DNAI2: variants seen among roughly 807,000 people sequenced by gnomAD.
The protein encoded by DNAI2 is dynein axonemal intermediate chain 2.
In DNAI2, 63 loss-of-function variants were observed where a neutral mutation model predicts 74.7. That is an observed-to-expected ratio of 0.84 (90% CI 0.69 to 1.04). DNAI2 has a LOEUF of 1.04. Ranked by LOEUF, DNAI2 falls within the 50% of genes least tolerant of loss-of-function variation. The pLI is 0.00. For synonymous variants in DNAI2, 289 were observed against 314.9 expected, an observed-to-expected ratio of 0.92 and a Z score of 0.87; for missense variants, 688 against 803.2, an observed-to-expected ratio of 0.86 and a Z score of 1.73.
At chr17:74,290,984 C>G in intron 5 of DNAI2, 36 bp from the exon 6 acceptor site, 1 of 1,581,726 alleles carries the variant, frequency 6.3e-7, no homozygotes, top group Non-Finnish European at 8.7e-7. Flanking sequence ...CTTTTCTTTC[C>G]GGGCCTGGTG....
rs746568626 is a variant in DNAI2, at chr17:74,281,874, T to C, written c.57T>C (p.Asn19=). The part of the protein sequence containing the change: ...KKRSEFGKQC[N]FSDRQAELNI... ...GCAGCGAGTTCGGGAAGCAGTGCAATTTCTCGGACCGCCAGGCCGAGCTGA... is the reference window on the plus strand; with the variant it reads ...GCAGCGAGTTCGGGAAGCAGTGCAACTTCTCGGACCGCCAGGCCGAGCTGA... The change falls in exon 2 of 14, where the codon AAT becomes AAC. Residue 19 remains asparagine, a synonymous_variant. Transcript: ENST00000311014. The C allele has an allele frequency of 1.2e-6, 2 of 1,614,016 alleles. No homozygotes were observed. Among genetic ancestry groups the C allele is most frequent in the Non-Finnish European group, 1.7e-6 (2 of 1,180,052 alleles).
chr17:74,305,959 A>G (rs2053169258), intron 9 of DNAI2, among the ~76,000 whole-genome samples: 1 of 152,158 alleles, frequency 6.6e-6, no homozygotes, highest in Admixed American at 6.5e-5. Flanking sequence ...GGTGTGAGCC[A>G]CCGCGTCTGG....
intron 3 of DNAI2, 27 bp downstream of exon 3, chr17:74,285,228 A>T: frequency 6.2e-7 from 1 of 1,611,754 alleles, no homozygotes; most frequent in South Asian, 1.1e-5. Flanking sequence ...CCCCAGCTGC[A>T]AGAGCCCCAT....
chr17:74,310,793 G>T (rs1260220164), intron 11 of DNAI2, among the ~76,000 whole-genome samples: 1 of 152,098 alleles, frequency 6.6e-6, no homozygotes, highest in East Asian at 1.9e-4. Flanking sequence ...GCCCACCCTG[G>T]CCTCCGAAAG....
intron 6 of DNAI2, among the ~76,000 whole-genome samples, chr17:74,297,391 CT>C (rs61180859): frequency 0.12 from 15,779 of 126,982 alleles, 800 homozygotes; most frequent in Non-Finnish European, 0.16. Context: ...CGTGCCCAGA[CT>C]TTTTTTTTTT....
In DNAI2 at chr17:74,301,196, G is replaced by T; in HGVS notation, c.987+28G>T. 1.9e-6 allele frequency: 3 copies of T among 1,612,172 alleles called. No homozygotes were observed. The South Asian group carries it at 3.3e-5, about 18-fold the overall frequency. On this transcript the variant is annotated intron_variant, in intron 8 of 13. Transcript: ENST00000311014. The stretch of plus-strand genomic sequence containing the variant: ...GAGTGTCCCTTGCTGTCCCTTCCCC[G>T]ACTTGCATTGACAGGGCAGCCAGGG...
intron 1 of DNAI2, among the ~76,000 whole-genome samples, chr17:74,277,006 C>CGCTACA (rs1272474449): frequency 6.6e-6 from 1 of 152,164 alleles, no homozygotes; most frequent in African/African-American, 2.4e-5. Context: ...TGGGGCACCC[C>CGCTACA]GCTACAATCT....
rs2053140337 is a variant in DNAI2, at chr17:74,305,554, C to T, written c.1211+112C>T. ...CTCCATATGTAAAATGGAGAAAAAC[C>T]TTTCCACAAACACCCGAGCTCGTGT... On this transcript the variant is annotated intron_variant, in intron 9 of 13. Coordinates refer to ENST00000311014, the MANE Select transcript of DNAI2 (RefSeq NM_023036.6). 5 of 966,634 alleles carry T rather than the reference C, an allele frequency of 5.2e-6. No homozygotes were observed. In the South Asian group the frequency reaches 8.0e-5, roughly 15 times the overall value. The allele number at this position is 966,634 out of a possible 1,614,324, so 59.9% of individuals were successfully genotyped here. A position where few individuals can be genotyped will look rare whatever the true frequency, so the allele number is the denominator to read the frequency against.
chr17:74,280,682 G>A (rs888441808), intron 1 of DNAI2, among the ~76,000 whole-genome samples: 30 of 152,232 alleles, frequency 2.0e-4, no homozygotes, highest in African/African-American at 6.0e-4. Context: ...GAGGCCCAGG[G>A]GTCTCAAATC....
chr17:74,291,945 C>G (rs903100208), intron 6 of DNAI2, among the ~76,000 whole-genome samples: 4 of 151,920 alleles, frequency 2.6e-5, no homozygotes, highest in African/African-American at 9.7e-5. Flanking sequence ...CTCACTGCAG[C>G]CTCCACCTCT....
In DNAI2 at chr17:74,281,617, C is replaced by T. The variant is rs766594026; in HGVS notation, c.-11-190C>T. ...AATAACTAAACAGGGTAATGCTTAG[C>T]ATATAGTCGGCACTCAGGATTTTTT... On this transcript the variant is annotated intron_variant, in intron 1 of 13. Coordinates refer to ENST00000311014, the MANE Select transcript of DNAI2 (RefSeq NM_023036.6). 4.7e-5 allele frequency: 29 copies of T among 623,348 alleles called. 1 individual carries two copies. The South Asian group carries it at 5.5e-4, about 12-fold the overall frequency. 38.6% of individuals were successfully genotyped at this position (623,348 alleles called of 1,614,324 possible).
chr17:74,297,996 C>A (rs1291243493), intron 6 of DNAI2, among the ~76,000 whole-genome samples: 1 of 152,242 alleles, frequency 6.6e-6, no homozygotes, highest in Non-Finnish European at 1.5e-5. Flanking sequence ...CTGCCTCCTG[C>A]CCAGGGGAGC....
chr17:74,282,097 G>A, intron 2 of DNAI2, 97 bp downstream of exon 2: 1 of 1,437,482 alleles, frequency 7.0e-7, no homozygotes, highest in South Asian at 1.2e-5. Context: ...TTGTCCACCT[G>A]AAAGCCAGTT....
At chr17:74,281,678 G>T (rs1162928577) in intron 1 of DNAI2, 129 bp from the exon 2 acceptor site, 1 of 833,644 alleles carries the variant, frequency 1.2e-6, no homozygotes, top group Non-Finnish European at 1.9e-6. Context: ...AAATTCCTAG[G>T]ATCTCCCCAC....
chr17:74,280,074 G>A (rs759882911), intron 1 of DNAI2, among the ~76,000 whole-genome samples: 4 of 152,214 alleles, frequency 2.6e-5, no homozygotes, highest in Non-Finnish European at 4.4e-5. Context: ...GGTGTGATAT[G>A]GCAGGTACAC....
chr17:74,281,747 G>A, intron 1 of DNAI2, 60 bp from the exon 2 acceptor site: 1 of 1,564,676 alleles, frequency 6.4e-7, no homozygotes. Context: ...GGCAGGACCT[G>A]TGGAGATAGG....
intron 3 of DNAI2, among the ~76,000 whole-genome samples, chr17:74,285,489 ATCAT>A (rs1425718290): frequency 6.6e-6 from 1 of 152,144 alleles, no homozygotes; most frequent in Non-Finnish European, 1.5e-5. Context: ...GCCAATAGGG[ATCAT>A]TCATTCATTT....
At chr17:74,306,554 A>G (rs920398913) in intron 9 of DNAI2, among the ~76,000 whole-genome samples, 1 of 152,214 alleles carries the variant, frequency 6.6e-6, no homozygotes, top group Non-Finnish European at 1.5e-5. Context: ...CCTAATGAGC[A>G]TCTTTGGTTC....
At chr17:74,311,135 A>G (rs190268373) in intron 11 of DNAI2, among the ~76,000 whole-genome samples, 6 of 152,164 alleles carry the variant, frequency 3.9e-5, no homozygotes, top group Admixed American at 3.9e-4. Context: ...CAGCCTCCCA[A>G]ACTGCTGGGA....
Sources: allele counts gnomAD v4.1 joint callset (sites outside exome capture counted in the v4.1 genomes callset), GRCh38; gene constraint gnomAD v4.1.1; transcripts MANE v1.5; gene names NCBI Gene and HGNC (gene_info 2026-07-23, HGNC 2026-07-21).